Variants in PRR16 observed in about 807,000 individuals in gnomAD.
PRR16 encodes proline rich 16, also known as protein Largen.
A neutral mutation model predicts 18.2 loss-of-function variants in PRR16; 6 were observed. The ratio of observed to expected loss-of-function variants is 0.33; its 90% CI spans 0.18 to 0.65. The LOEUF is 0.65. Ranked by LOEUF, PRR16 falls within the 30% of genes least tolerant of loss-of-function variation. The pLI is 0.74. For missense variants in PRR16, 412 were observed against 376.6 expected, an observed-to-expected ratio of 1.09 and a Z score of -0.78; for synonymous variants, 151 against 147.8, an observed-to-expected ratio of 1.02 and a Z score of -0.16.
chr5:120,474,802 GA>G (rs1463746372), intron 1 of PRR16, among the ~76,000 whole-genome samples: 1 of 152,000 alleles, frequency 6.6e-6, no homozygotes, highest in Non-Finnish European at 1.5e-5. Context: ...GGATTTGGGA[GA>G]AAAAAAGGAG....
the PRR16 span, among the ~76,000 whole-genome samples, chr5:120,755,337 G>T: frequency 6.6e-6 from 1 of 152,010 alleles, no homozygotes; most frequent in Non-Finnish European, 1.5e-5. Flanking sequence ...TGTCAGGCAG[G>T]TACTGGGCAT....
chr5:120,675,232 G>GA (rs1561609799), intron 1 of PRR16, among the ~76,000 whole-genome samples: 1 of 151,996 alleles, frequency 6.6e-6, no homozygotes, highest in Non-Finnish European at 1.5e-5. Flanking sequence ...CTTTCCCAAT[G>GA]AAAAAAATGG....
chr5:120,735,153 C>G, the PRR16 span, among the ~76,000 whole-genome samples: 34,427 of 152,054 alleles, frequency 0.23, 4,580 homozygotes, highest in Non-Finnish European at 0.29. Flanking sequence ...AGCAAGAGGT[C>G]CTCAAAGTTC....
chr5:120,616,133 G>A (rs779780595), intron 1 of PRR16, among the ~76,000 whole-genome samples: 20 of 152,112 alleles, frequency 1.3e-4, no homozygotes, highest in Non-Finnish European at 2.2e-4. Flanking sequence ...CTGACACAGC[G>A]TAGTGCTCTA....
intron 1 of PRR16, among the ~76,000 whole-genome samples, chr5:120,535,142 C>T (rs1751673973): frequency 6.6e-6 from 1 of 151,654 alleles, no homozygotes; most frequent in Non-Finnish European, 1.5e-5. Context: ...TATTGCTTTG[C>T]TCCAGTCCTC....
At chr5:120,687,652 C>G (rs565115241), downstream of PRR16, among the ~76,000 whole-genome samples, 1 of 152,178 alleles carries the variant, frequency 6.6e-6, no homozygotes, top group South Asian at 2.1e-4. Context: ...CCAAGTGGAC[C>G]CACATTTATA....
chr5:120,769,403 G>A, the PRR16 span, among the ~76,000 whole-genome samples: 1 of 151,528 alleles, frequency 6.6e-6, no homozygotes, highest in African/African-American at 2.4e-5. Context: ...AATTTTGAAG[G>A]GCATAATATC....
the PRR16 span, among the ~76,000 whole-genome samples, chr5:120,707,259 C>G: frequency 6.6e-6 from 1 of 152,150 alleles, no homozygotes; most frequent in Non-Finnish European, 1.5e-5. Flanking sequence ...TTTGCTTGCT[C>G]TAGTCTCCCA....
chr5:120,735,809 CAGA>C, the PRR16 span, among the ~76,000 whole-genome samples: 1 of 152,084 alleles, frequency 6.6e-6, no homozygotes, highest in Admixed American at 6.5e-5. Context: ...TATTGCTATG[CAGA>C]AGCTTTTAAA....
chr5:120,772,215 TCTTC>T, the PRR16 span, among the ~76,000 whole-genome samples: 1 of 152,110 alleles, frequency 6.6e-6, no homozygotes, highest in Non-Finnish European at 1.5e-5. Flanking sequence ...AGCCCTGTTT[TCTTC>T]CTTTTTAACT....
chr5:120,551,121 T>C (rs1174099945), intron 1 of PRR16, among the ~76,000 whole-genome samples: 1 of 152,004 alleles, frequency 6.6e-6, no homozygotes, highest in Non-Finnish European at 1.5e-5. Flanking sequence ...CTATAGTTAC[T>C]GTGCTGTGCA....
chr5:120,590,920 A>AT (rs1055336635), intron 1 of PRR16, among the ~76,000 whole-genome samples: 5 of 152,080 alleles, frequency 3.3e-5, no homozygotes, highest in African/African-American at 7.2e-5. Context: ...AGCTTCTTTG[A>AT]TTTTTTATTC....
chr5:120,601,619 T>C (rs1021018920), intron 1 of PRR16, among the ~76,000 whole-genome samples: 1 of 152,138 alleles, frequency 6.6e-6, no homozygotes, highest in African/African-American at 2.4e-5. Flanking sequence ...TTTTGGATTC[T>C]TTCTCATGAA....
chr5:120,703,360 C>T, the PRR16 span, among the ~76,000 whole-genome samples: 3 of 152,328 alleles, frequency 2.0e-5, no homozygotes, highest in South Asian at 2.1e-4. Context: ...TGGGCGTATA[C>T]GTGCAAGTCA....
chr5:120,541,700 T>G (rs1215646683), intron 1 of PRR16, among the ~76,000 whole-genome samples: 1 of 152,186 alleles, frequency 6.6e-6, no homozygotes, highest in East Asian at 1.9e-4. Flanking sequence ...TTCTGCCTTC[T>G]TTTTTTATAA....
At chr5:120,766,215 A>G in the PRR16 span, among the ~76,000 whole-genome samples, 1 of 152,132 alleles carries the variant, frequency 6.6e-6, no homozygotes, top group Non-Finnish European at 1.5e-5. Flanking sequence ...TACACCTGAC[A>G]CCAGCAGCAT....
chr5:120,505,754 A>G (rs1336003390), intron 1 of PRR16, among the ~76,000 whole-genome samples: 2 of 99,296 alleles, frequency 2.0e-5, no homozygotes, highest in African/African-American at 8.4e-5. Context: ...TATAAAACAA[A>G]TAAATTTTCA....
the PRR16 span, among the ~76,000 whole-genome samples, chr5:120,730,195 A>G: frequency 6.6e-6 from 1 of 152,158 alleles, no homozygotes; most frequent in Non-Finnish European, 1.5e-5. Context: ...GTGTAGGAGA[A>G]TGGTATGAAG....
chr5:120,700,421 T>C, the PRR16 span, among the ~76,000 whole-genome samples: 14 of 151,986 alleles, frequency 9.2e-5, no homozygotes, highest in South Asian at 2.5e-3. Flanking sequence ...TAGAGGTATC[T>C]CATACTTGTG....
Sources: allele counts gnomAD v4.1 joint callset (sites outside exome capture counted in the v4.1 genomes callset), GRCh38; gene constraint gnomAD v4.1.1; transcripts MANE v1.5; gene names NCBI Gene and HGNC (gene_info 2026-07-23, HGNC 2026-07-21).